The following TGFA variants were observed in gnomAD, a reference collection of about 807,000 sequenced individuals.
TGFA encodes the protein protransforming growth factor alpha.
A neutral mutation model predicts 21.7 loss-of-function variants in TGFA; 12 were observed. The observed-to-expected ratio is 0.55, with a 90% CI of 0.35 to 0.90. The LOEUF is 0.90. Among genes scored for constraint, TGFA ranks in the 40% least tolerant of loss-of-function variants. The probability of loss-of-function intolerance (pLI) is 0.01; values close to 1 mark genes in which losing one functional copy is unlikely to be tolerated. For synonymous variants in TGFA, 79 were observed against 88.1 expected (o/e 0.90, Z 0.58); for missense variants, 178 against 210.8 (o/e 0.84, Z 0.96).
At chr2:70,550,688 G>A (rs1314291524) in intron 1 of TGFA, among the ~76,000 whole-genome samples, 1 of 152,124 alleles carries the variant, frequency 6.6e-6, no homozygotes, top group Non-Finnish European at 1.5e-5. Context: ...GCCGGGCGTG[G>A]TGGCGGGCGC....
intron 2 of TGFA, among the ~76,000 whole-genome samples, chr2:70,509,341 T>A (rs1672023612): frequency 6.6e-6 from 1 of 152,162 alleles, no homozygotes; most frequent in South Asian, 2.1e-4. Flanking sequence ...TTCTACCTGT[T>A]TTCCAAACAA....
At chr2:70,466,090 T>C (rs1670550898) in intron 2 of TGFA, among the ~76,000 whole-genome samples, 2 of 152,232 alleles carry the variant, frequency 1.3e-5, no homozygotes, top group South Asian at 4.1e-4. Context: ...CATAAGAATC[T>C]GTTTTGAAAG....
chr2:70,541,237 TAA>T (rs1282392723), intron 1 of TGFA, among the ~76,000 whole-genome samples: 2 of 152,230 alleles, frequency 1.3e-5, no homozygotes, highest in South Asian at 2.1e-4. Context: ...TAATAAGTGA[TAA>T]GAGTTGTATA....
intron 1 of TGFA, among the ~76,000 whole-genome samples, chr2:70,535,054 C>A (rs1553504201): frequency 1.3e-5 from 2 of 151,440 alleles, no homozygotes; most frequent in African/African-American, 4.9e-5. Context: ...TTTTTTAAAT[C>A]TCTAAAATGG....
chr2:70,469,191 G>A (rs1318335377), intron 2 of TGFA, among the ~76,000 whole-genome samples: 2 of 152,166 alleles, frequency 1.3e-5, no homozygotes, highest in African/African-American at 4.8e-5. Context: ...ACCCAGCCCA[G>A]ACCTACTGAA....
chr2:70,515,091 T>A (rs1217736260), intron 1 of TGFA, among the ~76,000 whole-genome samples, 179 bp from the exon 2 acceptor site: 1 of 152,152 alleles, frequency 6.6e-6, no homozygotes, highest in African/African-American at 2.4e-5. Flanking sequence ...ATGGGACCCC[T>A]TGTTGAAAAA....
intron 2 of TGFA, among the ~76,000 whole-genome samples, chr2:70,509,060 A>T (rs1179589064): frequency 6.6e-6 from 1 of 152,230 alleles, no homozygotes; most frequent in Non-Finnish European, 1.5e-5. Context: ...ATGCTCTTCT[A>T]AGCATTCTTT....
chr2:70,542,879 G>A (rs909551696), intron 1 of TGFA, among the ~76,000 whole-genome samples: 4 of 152,208 alleles, frequency 2.6e-5, no homozygotes, highest in Non-Finnish European at 5.9e-5. Context: ...GAGGTGGGCA[G>A]ATCATTTAAG....
At chr2:70,458,372 T>A (rs1256754852) in intron 3 of TGFA, among the ~76,000 whole-genome samples, 1 of 151,948 alleles carries the variant, frequency 6.6e-6, no homozygotes, top group Non-Finnish European at 1.5e-5. Flanking sequence ...CCAGATGGGG[T>A]CCCTGAATCG....
intron 2 of TGFA, among the ~76,000 whole-genome samples, chr2:70,469,621 G>A (rs1471921771): frequency 6.6e-6 from 1 of 152,172 alleles, no homozygotes; most frequent in Non-Finnish European, 1.5e-5. Flanking sequence ...ATAGGTGCGA[G>A]CCGCCACGTC....
chr2:70,521,841 C>T (rs1400478324), intron 1 of TGFA, among the ~76,000 whole-genome samples: 1 of 151,964 alleles, frequency 6.6e-6, no homozygotes, highest in Admixed American at 6.6e-5. Context: ...TCTTGAACTC[C>T]TGACTTCATG....
chr2:70,552,450 G>C (rs11466195), intron 1 of TGFA, among the ~76,000 whole-genome samples: 2 of 152,178 alleles, frequency 1.3e-5, no homozygotes, highest in Non-Finnish European at 2.9e-5. Flanking sequence ...TTAAATCAGA[G>C]CAACAGTCAA....
chr2:70,463,233 C>T (rs1177710820), intron 3 of TGFA, among the ~76,000 whole-genome samples: 3 of 152,072 alleles, frequency 2.0e-5, no homozygotes, highest in Admixed American at 6.5e-5. Context: ...TCCATGGTTG[C>T]GGTATGCAGA....
intron 2 of TGFA, among the ~76,000 whole-genome samples, chr2:70,473,580 G>C (rs1427299105): frequency 1.3e-5 from 2 of 151,950 alleles, no homozygotes; most frequent in African/African-American, 4.8e-5. Flanking sequence ...AGCAGCGGAT[G>C]TCAGCAGAGT....
At chr2:70,527,718 T>C (rs1672681676) in intron 1 of TGFA, among the ~76,000 whole-genome samples, 1 of 152,222 alleles carries the variant, frequency 6.6e-6, no homozygotes, top group South Asian at 2.1e-4. Flanking sequence ...GGTGAAACTA[T>C]GCAGTGGGGT....
At chr2:70,499,875 T>C (rs1269637043) in intron 2 of TGFA, among the ~76,000 whole-genome samples, 1 of 152,172 alleles carries the variant, frequency 6.6e-6, no homozygotes, top group East Asian at 1.9e-4. Context: ...TGAAAACAAA[T>C]GTGTCGCAAG....
chr2:70,530,016 C>T (rs1672768672), intron 1 of TGFA, among the ~76,000 whole-genome samples: 1 of 152,212 alleles, frequency 6.6e-6, no homozygotes, highest in South Asian at 2.1e-4. Flanking sequence ...TCTATCTATA[C>T]TATTCCCTGC....
At chr2:70,537,882 A>G (rs1673020255) in intron 1 of TGFA, among the ~76,000 whole-genome samples, 2 of 152,254 alleles carry the variant, frequency 1.3e-5, no homozygotes, top group Admixed American at 6.5e-5. Flanking sequence ...AGTGCAGATG[A>G]AACAGCCTTC....
chr2:70,502,328 TTTTG>T (rs1407161895), intron 2 of TGFA, among the ~76,000 whole-genome samples: 2 of 152,110 alleles, frequency 1.3e-5, no homozygotes, highest in African/African-American at 2.4e-5. Context: ...TTTGATCTGT[TTTTG>T]TTTGTTTGTT....
Sources: allele counts gnomAD v4.1 joint callset (sites outside exome capture counted in the v4.1 genomes callset), GRCh38; gene constraint gnomAD v4.1.1; transcripts MANE v1.5; gene names NCBI Gene and HGNC (gene_info 2026-07-23, HGNC 2026-07-21).